MMRN1: variants seen among roughly 807,000 people sequenced by gnomAD.
MMRN1 encodes the protein multimerin-1.
In MMRN1, 94 loss-of-function variants were observed where a neutral mutation model predicts 100.7. The observed-to-expected ratio is 0.93, with a 90% CI of 0.79 to 1.11. The LOEUF (loss-of-function observed/expected upper bound fraction) is 1.11, where lower values mean the gene tolerates loss of function less well. MMRN1 is among the 50% of genes least tolerant of loss of function. The pLI, the probability that MMRN1 is intolerant of heterozygous loss-of-function variation, is 0.00. For missense variants in MMRN1, 1,606 were observed against 1,439.1 expected, an observed-to-expected ratio of 1.12 and a Z score of -1.88; for synonymous variants, 575 against 505.0, an observed-to-expected ratio of 1.14 and a Z score of -1.86.
chr4:89,906,464 A>T (rs1042604470), intron 1 of MMRN1, among the ~76,000 whole-genome samples: 1 of 151,512 alleles, frequency 6.6e-6, no homozygotes, highest in Non-Finnish European at 1.5e-5. Flanking sequence ...AGAATCCCAA[A>T]TGTGGTCTGC....
At chr4:89,916,371 A>AC (rs1721917429) in intron 3 of MMRN1, among the ~76,000 whole-genome samples, 1 of 149,346 alleles carries the variant, frequency 6.7e-6, no homozygotes, top group Non-Finnish European at 1.5e-5. Flanking sequence ...TCTGAAAAAA[A>AC]AAAAACAAAC....
At chr4:89,928,051 A>C in intron 5 of MMRN1, 83 bp downstream of exon 5, 1 of 1,171,378 alleles carries the variant, frequency 8.5e-7, no homozygotes, top group South Asian at 1.8e-5. Flanking sequence ...TCACTTTGGG[A>C]TCTTTGCTTT....
At chr4:89,885,566 T>G (rs73831836) in intron 1 of MMRN1, among the ~76,000 whole-genome samples, 27,114 of 152,024 alleles carry the variant, frequency 0.18, 4,179 homozygotes, top group African/African-American at 0.42. Context: ...TTTACTTGTG[T>G]GAAAGTTTTT....
Position 89,927,935 on chromosome 4 carries a change from G to C in MMRN1, c.1096G>C (p.Asp366His). Reference protein sequence around the residue: ...YSSLEGKVSEDKSREFQSLLK... With the variant: ...YSSLEGKVSEHKSREFQSLLK... The stretch of plus-strand genomic sequence containing the variant: ...CTCCCTAGAAGGAAAAGTCAGCGAA[G>C]ATAAAAGCAGAGAATTTCAATCTCT... The change falls in exon 5 of 8, where the codon GAT becomes CAT. Residue 366 changes from aspartate (D) to histidine (H), a missense_variant. By Grantham distance (81) the Asp-to-His change is moderately conservative. Coordinates refer to ENST00000264790, the MANE Select transcript of MMRN1 (RefSeq NM_007351.3). 1 of 1,601,546 alleles carries C rather than the reference G, an allele frequency of 6.2e-7. No individual in the cohort carries two copies. The highest frequency in any genetic ancestry group is 1.1e-5 in the South Asian group (1 of 88,010).
At chr4:89,898,473 A>G (rs901255732) in intron 1 of MMRN1, among the ~76,000 whole-genome samples, 5 of 151,952 alleles carry the variant, frequency 3.3e-5, no homozygotes, top group Non-Finnish European at 7.4e-5. Flanking sequence ...TCTTATCACA[A>G]GTGGGAAGAT....
chr4:89,925,855 G>T (rs1722241383), intron 4 of MMRN1, among the ~76,000 whole-genome samples: 4 of 152,064 alleles, frequency 2.6e-5, no homozygotes, highest in Non-Finnish European at 4.4e-5. Context: ...CAATTGTTTT[G>T]ATGTTTAGAT....
chr4:89,886,460 C>A lies in MMRN1; in HGVS notation c.-249+6858C>A, dbSNP rs563847408. Among the ~76,000 whole-genome samples, 7 of 152,038 alleles carry A rather than the reference C, an allele frequency of 4.6e-5. No individual in the cohort carries two copies. The East Asian group carries it at 1.4e-3, about 29-fold the overall frequency. On this transcript the variant is annotated intron_variant, in intron 1 of 8. Coordinates refer to the MMRN1 transcript ENST00000394980. Reference sequence around the variant, plus strand: ...ACTTACTGAGAAATAGTTCATGACCCAAAACATATTCTGTATCAATGAGGG... The same window carrying A: ...ACTTACTGAGAAATAGTTCATGACCAAAAACATATTCTGTATCAATGAGGG...
At position 89,952,431 on chromosome 4, in the gene MMRN1, G is replaced by T. The variant is rs368168196; in HGVS notation, c.3266-566G>T. 2.8e-4 allele frequency among the ~76,000 whole-genome samples: 43 copies of T among 152,250 alleles called. No homozygotes were observed. In the South Asian group the frequency reaches 8.7e-3, roughly 31 times the overall value. Reference sequence around the variant, plus strand: ...TTTTCTTAATAATATCCTGCATAGTGAAATGTAAATTTTTTAGTCTGTTTT... The same window carrying T: ...TTTTCTTAATAATATCCTGCATAGTTAAATGTAAATTTTTTAGTCTGTTTT... On this transcript the variant is annotated intron_variant, in intron 7 of 7. Transcript: ENST00000264790.
In MMRN1 at chr4:89,953,037, AT is replaced by A. The variant is rs1160529882; in HGVS notation, c.3312del (p.Phe1104LeufsTer8). The A allele has an allele frequency of 1.2e-6, 2 of 1,611,752 alleles. No individual in the cohort carries two copies. The highest frequency in any genetic ancestry group is 1.3e-5 in the African/African-American group (1 of 74,812). On this transcript the variant is annotated frameshift_variant, in exon 8 of 8. Transcript: ENST00000264790. LOFTEE classifies it high-confidence loss of function. ...CTTACAGATATGCACCCATGGTGGC[AT>A]TTTTTGCATCTCATACGTATGGAAT... The part of the protein sequence containing the change: ...GSYRYAPMVA[F>X]FASHTYGMTI...
chr4:89,902,382 G>T (rs181395347), intron 1 of MMRN1, among the ~76,000 whole-genome samples: 1 of 151,524 alleles, frequency 6.6e-6, no homozygotes, highest in African/African-American at 2.4e-5. Flanking sequence ...TATGGAAAAG[G>T]TTATATTAAA....
chr4:89,896,259 C>T (rs1721204426), intron 1 of MMRN1, among the ~76,000 whole-genome samples: 1 of 152,144 alleles, frequency 6.6e-6, no homozygotes, highest in African/African-American at 2.4e-5. Flanking sequence ...AGGTGCTCAA[C>T]AACTCAAATT....
rs1036373394 is a variant in MMRN1 at position 89,954,099 on chromosome 4, A to T, written c.*681A>T. 6.6e-6 allele frequency: 1 copy of T among 152,206 alleles called. No individual in the cohort carries two copies. Among genetic ancestry groups the T allele is most frequent in the African/African-American group, 2.4e-5 (1 of 41,442 alleles). The allele number at this position is 152,206 out of a possible 1,614,324, so 9.4% of individuals were successfully genotyped here. On this transcript the variant is annotated 3_prime_UTR_variant, in exon 8 of 8. Transcript: ENST00000264790. ...CATTTACCGCCCCCCGCCCCACAAC[A>T]TCTATAAGGGGCAAAAAGTCTTTTT...
intron 6 of MMRN1, among the ~76,000 whole-genome samples, chr4:89,946,104 A>G (rs2110651328): frequency 6.6e-6 from 1 of 152,328 alleles, no homozygotes; most frequent in East Asian, 1.9e-4. Context: ...TGATATAAAC[A>G]GTTTTGACAA....
intron 1 of MMRN1, among the ~76,000 whole-genome samples, chr4:89,885,615 T>C (rs1288411353): frequency 6.6e-6 from 1 of 152,144 alleles, no homozygotes; most frequent in Non-Finnish European, 1.5e-5. Flanking sequence ...AATGTCTCTT[T>C]CTACCAGTTT....
chr4:89,921,646 A>G (rs977397219), intron 3 of MMRN1, among the ~76,000 whole-genome samples: 1 of 152,202 alleles, frequency 6.6e-6, no homozygotes, highest in Non-Finnish European at 1.5e-5. Flanking sequence ...GCTTTTGTCC[A>G]TCAGATAAGT....
At position 89,935,446 on chromosome 4, in the gene MMRN1, G is replaced by T. The variant is rs764406742; in HGVS notation, c.1766G>T (p.Arg589Ile). 6.2e-7 allele frequency: 1 copy of T among 1,613,546 alleles called. No homozygotes were observed. Among genetic ancestry groups the T allele is most frequent in the South Asian group, 1.1e-5 (1 of 91,062 alleles). Residue 589 changes from arginine to isoleucine, a missense_variant, in exon 6 of 8, where the codon AGA becomes ATA. Coordinates refer to ENST00000264790, the MANE Select transcript of MMRN1 (RefSeq NM_007351.3). ...VSLEMEKESL[R>I]GECEDMLSKC... Reference sequence around the variant, plus strand: ...TTGGAGATGGAGAAAGAGTCTCTCAGAGGTGAATGTGAAGACATGTTATCC... The same window carrying T: ...TTGGAGATGGAGAAAGAGTCTCTCATAGGTGAATGTGAAGACATGTTATCC...
chr4:89,923,958 G>C (rs1270077820), intron 4 of MMRN1, among the ~76,000 whole-genome samples: 1 of 152,146 alleles, frequency 6.6e-6, no homozygotes, highest in Non-Finnish European at 1.5e-5. Context: ...CTTAACAATG[G>C]TGGTGTAATT....
chr4:89,910,627 T>C (rs955529426), intron 2 of MMRN1, among the ~76,000 whole-genome samples: 2 of 151,494 alleles, frequency 1.3e-5, no homozygotes, highest in African/African-American at 2.4e-5. Context: ...TTACAAACTC[T>C]ATATACAGTC....
At chr4:89,952,424 G>A (rs527809477) in intron 7 of MMRN1, among the ~76,000 whole-genome samples, 1 of 152,260 alleles carries the variant, frequency 6.6e-6, no homozygotes, top group East Asian at 1.9e-4. Flanking sequence ...ATAATATCCT[G>A]CATAGTGAAA....
Sources: allele counts gnomAD v4.1 joint callset (sites outside exome capture counted in the v4.1 genomes callset), GRCh38; gene constraint gnomAD v4.1.1; transcripts MANE v1.5; gene names NCBI Gene and HGNC (gene_info 2026-07-23, HGNC 2026-07-21).